LIMS2: variants seen among roughly 807,000 people sequenced by gnomAD.
The protein encoded by LIMS2 is LIM and senescent cell antigen-like-containing domain protein 2.
LIMS2 carries 30 observed loss-of-function variants against 45.3 expected under a neutral mutation model. The ratio of observed to expected loss-of-function variants is 0.66; its 90% CI spans 0.50 to 0.90. The LOEUF (loss-of-function observed/expected upper bound fraction) is 0.90. Among genes scored for constraint, LIMS2 ranks in the 40% least tolerant of loss-of-function variants. The pLI is 0.00. For missense variants in LIMS2, 485 were observed against 468.7 expected (o/e 1.03, Z -0.32); for synonymous variants, 173 against 188.0 (o/e 0.92, Z 0.65).
chr2:127,653,604 G>A lies in LIMS2; in HGVS notation c.359+820C>T, dbSNP rs1466221830. Among the ~76,000 whole-genome samples the A allele has an allele frequency of 6.6e-6, 1 of 152,092 alleles. No individual in the cohort carries two copies. The highest frequency in any genetic ancestry group is 1.5e-5 in the Non-Finnish European group (1 of 68,022). On this transcript the variant is annotated intron_variant, in intron 4 of 9. Transcript: ENST00000355119. The surrounding 1 kb of genome is among the most constrained non-coding windows in gnomAD (Gnocchi z 5.3). ...GAAAGGTGACTCAGAGGAGGGGAGTGAGCAGGTGCAGCTGTGGGGGCGGGC... is the reference window on the plus strand; with the variant it reads ...GAAAGGTGACTCAGAGGAGGGGAGTAAGCAGGTGCAGCTGTGGGGGCGGGC...
intron 4 of LIMS2, among the ~76,000 whole-genome samples, chr2:127,646,946 C>G (rs1277888995): frequency 6.6e-6 from 1 of 152,234 alleles, no homozygotes; most frequent in East Asian, 1.9e-4. Flanking sequence ...CTCAGCAAAC[C>G]TGAAACCAAC....
At chr2:127,643,244 A>C in intron 4 of LIMS2, 172 bp from the exon 5 acceptor site, 2 of 660,690 alleles carry the variant, frequency 3.0e-6, no homozygotes, top group Non-Finnish European at 5.2e-6. Context: ...CCAGAAGGTC[A>C]CAAGTGTGTC....
chr2:127,651,488 C>T lies in LIMS2; in HGVS notation c.359+2936G>A, dbSNP rs1333711221. 1.9e-6 allele frequency: 3 copies of T among 1,612,818 alleles called. No homozygotes were observed. In the South Asian group the frequency reaches 3.3e-5, roughly 18 times the overall value. On this transcript the variant is annotated intron_variant, in intron 4 of 9. Transcript: ENST00000355119. ...TCTTCCTGGTCTGCTTCGTGCCCTA[C>T]CACGTCAACCGCTCCGTCTACGTGC...
intron 1 of LIMS2, among the ~76,000 whole-genome samples, chr2:127,658,421 T>C (rs1363655434): frequency 1.3e-5 from 2 of 151,986 alleles, no homozygotes; most frequent in African/African-American, 4.8e-5. Context: ...AGAGTATGAA[T>C]CTTTGAGACG....
At chr2:127,661,767 T>C (rs1015024489) in intron 1 of LIMS2, among the ~76,000 whole-genome samples, 8 of 152,176 alleles carry the variant, frequency 5.3e-5, no homozygotes, top group Non-Finnish European at 7.4e-5. Flanking sequence ...TGAGGTGGGA[T>C]CAGAGGAGCC....
intron 1 of LIMS2, among the ~76,000 whole-genome samples, chr2:127,661,194 A>G (rs949157205): frequency 1.3e-5 from 2 of 152,226 alleles, no homozygotes; most frequent in African/African-American, 4.8e-5. Flanking sequence ...TCTACACGTG[A>G]TAGCCCCAGC....
chr2:127,660,332 T>G (rs968946655), intron 1 of LIMS2, among the ~76,000 whole-genome samples: 2 of 152,178 alleles, frequency 1.3e-5, no homozygotes, highest in South Asian at 4.2e-4. Context: ...GTTCCTTTGC[T>G]TGGTGTGGAA....
At chr2:127,645,619 G>T (rs559972571) in intron 4 of LIMS2, among the ~76,000 whole-genome samples, 1 of 152,348 alleles carries the variant, frequency 6.6e-6, no homozygotes, top group South Asian at 2.1e-4. Flanking sequence ...CCTCGCTCCA[G>T]ATAAAGGCCA....
At chr2:127,676,933 A>C (rs1025049823), upstream of LIMS2, among the ~76,000 whole-genome samples, 2 of 152,218 alleles carry the variant, frequency 1.3e-5, no homozygotes, top group African/African-American at 4.8e-5. Context: ...CTCTCCACAG[A>C]GGAGACCACA....
Position 127,654,907 on chromosome 2 carries a change from G to A in LIMS2, c.172-11C>T, listed in dbSNP as rs117577506. 2.4e-5 allele frequency: 38 copies of A among 1,613,236 alleles called. 1 individual carries two copies. In the East Asian group the frequency reaches 4.2e-4, roughly 18 times the overall value. On this transcript the variant is annotated splice_polypyrimidine_tract_variant and intron_variant, in intron 2 of 9. Transcript: ENST00000355119. ...CTTCCGGCCTTCAAACTGCAAAGGG[G>A]TCGCAGAGAGAGGACAAGCAAACCA...
chr2:127,646,379 ATCGAAGGCTGACCACAGTCTGAAT>A (rs1185759470), intron 4 of LIMS2: 3 of 152,240 alleles, frequency 2.0e-5, no homozygotes, highest in African/African-American at 7.2e-5. Context: ...TGACCTGTGC[ATCGAAGGCTGACCACAGTCTGAAT>A]TCACAGCAGC....
At chr2:127,678,167 C>T (rs1685542053), upstream of LIMS2, among the ~76,000 whole-genome samples, 1 of 152,084 alleles carries the variant, frequency 6.6e-6, no homozygotes, top group African/African-American at 2.4e-5. The surrounding 1 kb of genome is among the most constrained non-coding windows in gnomAD (Gnocchi z 5.3). Context: ...CAAGATGAGC[C>T]GATGTGGTGG....
Position 127,639,269 on chromosome 2 carries a change from G to A in LIMS2, c.*12C>T, listed in dbSNP as rs762134592. On this transcript the variant is annotated 3_prime_UTR_variant, in exon 10 of 10. Transcript: ENST00000355119. ...GGCGGAGGGGCCGAGAGGCAGCTGC[G>A]CAAGAGGGCCTTCAGGCAGAGTTGA... is the stretch of plus-strand genomic sequence containing the variant. 5 of 1,612,480 alleles carry A rather than the reference G, an allele frequency of 3.1e-6. No homozygotes were observed. Among genetic ancestry groups the A allele is most frequent in the Admixed American group, 3.3e-5 (2 of 59,884 alleles).
intron 1 of LIMS2, among the ~76,000 whole-genome samples, chr2:127,670,505 G>A (rs1037589188): frequency 1.3e-5 from 2 of 152,210 alleles, no homozygotes; most frequent in African/African-American, 4.8e-5. Context: ...CTGCAAATGA[G>A]TACAAGGTTT....
At position 127,657,416 on chromosome 2, in the gene LIMS2, C is replaced by T. The variant is rs777720312; in HGVS notation, c.158G>A (p.Gly53Glu). The change falls in exon 2 of 10, where the codon GGG becomes GAG. Residue 53 changes from glycine to glutamate, a missense_variant. By Grantham distance (98) the Gly-to-Glu change is moderately conservative. Transcript: ENST00000355119. ...CAQCFRPFPE[G>E]LFYEFEGRKY... ...TAGTGTCCTCACCTCATAGAAGAGC[C>T]CCTCGGGGAAGGGCCGGAAGCACTG... The T allele has an allele frequency of 8.7e-6, 14 of 1,613,844 alleles. No homozygotes were observed. In the South Asian group the frequency reaches 1.4e-4, roughly 16 times the overall value.
At chr2:127,651,837 A>G in intron 4 of LIMS2, 1 of 1,329,232 alleles carries the variant, frequency 7.5e-7, no homozygotes. Flanking sequence ...TTCCCCAGCC[A>G]CCTCCCCAGC....
At chr2:127,673,900 G>A (rs1685390539) in intron 1 of LIMS2, 3 of 669,268 alleles carry the variant, frequency 4.5e-6, no homozygotes, top group Non-Finnish European at 5.3e-6. Context: ...CACTGCAGAG[G>A]GGCCTGGGCC....
intron 6 of LIMS2, chr2:127,641,290 GCC>G: frequency 3.5e-6 from 1 of 284,106 alleles, no homozygotes; most frequent in Non-Finnish European, 6.8e-6. Context: ...TCCCAGTCTG[GCC>G]TCCCCCTCGG....
rs186779887 is a variant in LIMS2 at position 127,640,320 on chromosome 2, T to C, written c.754-2A>G. ...GTTGTAGCAGACGTCCCCGAAGAGC[T>C]GTGGGCCGAGCAGGCTGTCAGAGTA... On this transcript the variant is annotated splice_acceptor_variant, in intron 7 of 9. Coordinates refer to ENST00000355119, the MANE Select transcript of LIMS2 (RefSeq NM_001161403.3). LOFTEE classifies it high-confidence loss of function. The C allele has an allele frequency of 9.3e-6, 15 of 1,612,626 alleles. No individual in the cohort carries two copies. Among genetic ancestry groups the C allele is most frequent in the Middle Eastern group, 3.5e-4 (2 of 5,754 alleles).
Sources: allele counts gnomAD v4.1 joint callset (sites outside exome capture counted in the v4.1 genomes callset), GRCh38; gene constraint gnomAD v4.1.1; non-coding constraint Gnocchi (gnomAD v3.1); transcripts MANE v1.5; gene names NCBI Gene and HGNC (gene_info 2026-07-23, HGNC 2026-07-21).